DNAJB6: variants seen among roughly 807,000 people sequenced by gnomAD.
DNAJB6 encodes DnaJ heat shock protein family (Hsp40) member B6, also known as dnaJ homolog subfamily B member 6.
In DNAJB6, 16 loss-of-function variants were observed where a neutral mutation model predicts 42.7. That is an observed-to-expected ratio of 0.37 (90% confidence interval 0.25 to 0.57). The LOEUF (loss-of-function observed/expected upper bound fraction) is 0.57. Ranked by LOEUF, DNAJB6 falls within the 20% of genes least tolerant of loss-of-function variation. The pLI, the probability that DNAJB6 is intolerant of heterozygous loss-of-function variation, is 0.74. For missense variants in DNAJB6, 347 were observed against 416.8 expected (o/e 0.83, Z 1.46); for synonymous variants, 170 against 163.5 (o/e 1.04, Z -0.30).
chr7:157,391,179 A>G (rs1801322989), intron 8 of DNAJB6, among the ~76,000 whole-genome samples: 1 of 152,212 alleles, frequency 6.6e-6, no homozygotes, highest in Admixed American at 6.5e-5. Flanking sequence ...TGGTAGGAAC[A>G]GCAGTTGGAG....
At chr7:157,347,669 C>T (rs1798756332) in intron 1 of DNAJB6, among the ~76,000 whole-genome samples, 3 of 152,212 alleles carry the variant, frequency 2.0e-5, no homozygotes, top group Admixed American at 1.3e-4. Flanking sequence ...GCCCCAGCTC[C>T]TTTCCCCCTT....
intron 8 of DNAJB6, among the ~76,000 whole-genome samples, chr7:157,397,831 C>G (rs1315203922): frequency 2.0e-5 from 3 of 152,254 alleles, no homozygotes; most frequent in Non-Finnish European, 4.4e-5. Flanking sequence ...ACGTGGCTGG[C>G]AAAAGCAAGT....
At chr7:157,393,027 G>A (rs929655039) in intron 8 of DNAJB6, among the ~76,000 whole-genome samples, 1 of 152,156 alleles carries the variant, frequency 6.6e-6, no homozygotes, top group African/African-American at 2.4e-5. Flanking sequence ...TGGATGGAGT[G>A]CAGTGGTGTG....
chr7:157,347,159 A>G (rs1363382734), intron 1 of DNAJB6, among the ~76,000 whole-genome samples: 1 of 152,032 alleles, frequency 6.6e-6, no homozygotes, highest in Non-Finnish European at 1.5e-5. Context: ...CCGGCCAGCT[A>G]TTTTCATTTT....
intron 8 of DNAJB6, among the ~76,000 whole-genome samples, chr7:157,388,394 T>G (rs1801181567): frequency 6.6e-6 from 1 of 152,184 alleles, no homozygotes; most frequent in Non-Finnish European, 1.5e-5. Flanking sequence ...GCATTTGATT[T>G]AAATTACAGT....
At chr7:157,387,056 A>G (rs533031748) in intron 8 of DNAJB6, among the ~76,000 whole-genome samples, 1 of 152,332 alleles carries the variant, frequency 6.6e-6, no homozygotes, top group Non-Finnish European at 1.5e-5. Context: ...CGCTAGAAGG[A>G]CAGGCGGTTC....
At chr7:157,339,638 TGTGTGTGTGA>T (rs752544561) in intron 1 of DNAJB6, among the ~76,000 whole-genome samples, 5,201 of 59,852 alleles carry the variant, frequency 0.087, 139 homozygotes, top group Middle Eastern at 0.25. Context: ...TGTGTGTGTG[TGTGTGTGTGA>T]GATGGAGTTT....
chr7:157,369,670 TTAA>T, intron 5 of DNAJB6, among the ~76,000 whole-genome samples: 1 of 151,284 alleles, frequency 6.6e-6, no homozygotes, highest in African/African-American at 2.5e-5. Flanking sequence ...AGGCCCCTTC[TTAA>T]CATTATTATT....
chr7:157,342,934 A>G (rs1798483237), intron 1 of DNAJB6, among the ~76,000 whole-genome samples: 1 of 136,138 alleles, frequency 7.3e-6, no homozygotes. Flanking sequence ...TAAGGAATGA[A>G]AATTCACTGC....
At chr7:157,376,523 C>CA (rs1474761489) in intron 5 of DNAJB6, among the ~76,000 whole-genome samples, 1 of 152,160 alleles carries the variant, frequency 6.6e-6, no homozygotes, top group Non-Finnish European at 1.5e-5. Flanking sequence ...ATGCTGGTGA[C>CA]ACAGCCTCAG....
intron 8 of DNAJB6, among the ~76,000 whole-genome samples, chr7:157,387,419 C>G (rs74877838): frequency 6.6e-6 from 1 of 151,986 alleles, no homozygotes; most frequent in South Asian, 2.1e-4. Context: ...TAGCATTGTG[C>G]GATCATAGAG....
intron 4 of DNAJB6, among the ~76,000 whole-genome samples, chr7:157,366,820 C>T (rs1441667317): frequency 6.6e-6 from 1 of 152,178 alleles, no homozygotes; most frequent in African/African-American, 2.4e-5. Flanking sequence ...AACATATACC[C>T]TTAGATCAGC....
At chr7:157,341,446 T>C (rs894639287) in intron 1 of DNAJB6, among the ~76,000 whole-genome samples, 33 of 152,252 alleles carry the variant, frequency 2.2e-4, no homozygotes, top group African/African-American at 8.0e-4. Flanking sequence ...TCTTAAGCTG[T>C]GTTGCAAAAT....
At chr7:157,345,444 A>G (rs1210194656) in intron 1 of DNAJB6, among the ~76,000 whole-genome samples, 1 of 151,914 alleles carries the variant, frequency 6.6e-6, no homozygotes, top group East Asian at 1.9e-4. Flanking sequence ...CCTCCTGCAT[A>G]GCTGGGAGTA....
intron 8 of DNAJB6, among the ~76,000 whole-genome samples, chr7:157,407,129 A>G (rs1795801054): frequency 6.6e-6 from 1 of 152,206 alleles, no homozygotes. Flanking sequence ...GCTGAGCTGG[A>G]AGTGCAGAAT....
chr7:157,382,578 G>A, intron 6 of DNAJB6: 1 of 394,206 alleles, frequency 2.5e-6, no homozygotes, highest in Non-Finnish European at 4.4e-6. Context: ...TGTCGTGCTT[G>A]GAAATCTTCT....
Position 157,416,014 on chromosome 7 carries a change from A to G in DNAJB6, c.899-2A>G. 6.2e-7 allele frequency: 1 copy of G among 1,614,154 alleles called. No individual in the cohort carries two copies. Among genetic ancestry groups the G allele is most frequent in the Non-Finnish European group, 8.5e-7 (1 of 1,180,034 alleles). ...AGTGTTTTACAAGCCGTGTTTCCTT[A>G]GGATTGAAAGAAGGTGGCAAGAGGA... On this transcript the variant is annotated splice_acceptor_variant, in intron 9 of 9. Transcript: ENST00000262177. LOFTEE classifies it high-confidence loss of function.
intron 9 of DNAJB6, chr7:157,411,796 AG>A (rs1795985113): frequency 6.6e-6 from 1 of 152,208 alleles, no homozygotes; most frequent in African/African-American, 2.4e-5. Context: ...TTCTCCTCCC[AG>A]GCCTTCAGCG....
At chr7:157,411,770 CAG>C (rs1438861046) in intron 9 of DNAJB6, 1 of 152,130 alleles carries the variant, frequency 6.6e-6, no homozygotes, top group Admixed American at 6.5e-5. Flanking sequence ...ACCTGTATGT[CAG>C]AACTGGGCGG....
Sources: gnomAD v4.1 joint callset for allele counts (sites outside exome capture counted in the v4.1 genomes callset) on GRCh38, gnomAD v4.1.1 for gene constraint, MANE v1.5 for transcripts, NCBI Gene and HGNC (gene_info 2026-07-23, HGNC 2026-07-21) for gene names.